Variants in KLHL1 observed in about 807,000 individuals in gnomAD.
KLHL1 encodes kelch-like protein 1.
In KLHL1, 47 loss-of-function variants were observed where a neutral mutation model predicts 77.7. The ratio of observed to expected loss-of-function variants is 0.60; its 90% CI spans 0.48 to 0.77. The LOEUF (loss-of-function observed/expected upper bound fraction) is 0.77, where lower values mean the gene tolerates loss of function less well. KLHL1 is among the 30% of genes least tolerant of loss of function. The pLI is 0.00. For missense variants in KLHL1, 925 were observed against 910.8 expected, an observed-to-expected ratio of 1.02 and a Z score of -0.20; for synonymous variants, 360 against 325.2, an observed-to-expected ratio of 1.11 and a Z score of -1.15.
intron 1 of KLHL1, among the ~76,000 whole-genome samples, chr13:70,010,425 G>A (rs780140133): frequency 1.3e-5 from 2 of 152,134 alleles, no homozygotes; most frequent in African/African-American, 2.4e-5. Flanking sequence ...AGAGAGTGTG[G>A]TTGTTCTAAA....
intron 6 of KLHL1, among the ~76,000 whole-genome samples, chr13:69,820,214 T>C (rs1477854277): frequency 6.6e-6 from 1 of 152,192 alleles, no homozygotes; most frequent in Non-Finnish European, 1.5e-5. Context: ...CACTTTGTTC[T>C]GATATACGTG....
intron 9 of KLHL1, among the ~76,000 whole-genome samples, chr13:69,710,199 T>C (rs956401449): frequency 2.6e-5 from 4 of 151,804 alleles, no homozygotes; most frequent in African/African-American, 4.8e-5. Flanking sequence ...AACTCAAATG[T>C]TGCAGGGGAA....
chr13:69,773,039 C>G (rs9564607), intron 7 of KLHL1, among the ~76,000 whole-genome samples: 1 of 151,340 alleles, frequency 6.6e-6, no homozygotes, highest in Non-Finnish European at 1.5e-5. Flanking sequence ...GACCATTACA[C>G]AGGCAGAAAA....
intron 4 of KLHL1, among the ~76,000 whole-genome samples, chr13:69,915,495 C>G (rs372886601): frequency 1.1e-3 from 164 of 152,102 alleles, no homozygotes; most frequent in African/African-American, 3.6e-3. Flanking sequence ...AATGGGGAAA[C>G]GATTCCCTAT....
At chr13:69,979,720 A>G (rs1391774808) in intron 1 of KLHL1, among the ~76,000 whole-genome samples, 1 of 152,212 alleles carries the variant, frequency 6.6e-6, no homozygotes, top group Non-Finnish European at 1.5e-5. Flanking sequence ...AACAATACAA[A>G]GCTTGAAGTT....
At chr13:69,847,863 G>A (rs1261770607) in intron 5 of KLHL1, among the ~76,000 whole-genome samples, 1 of 151,438 alleles carries the variant, frequency 6.6e-6, no homozygotes, top group Non-Finnish European at 1.5e-5. Context: ...CAAAATGAAA[G>A]CCATGAATAA....
At chr13:69,982,869 C>A (rs546240537) in intron 1 of KLHL1, among the ~76,000 whole-genome samples, 1 of 152,054 alleles carries the variant, frequency 6.6e-6, no homozygotes, top group Admixed American at 6.6e-5. Context: ...CTAGCCAGAG[C>A]ATTAGGCAAG....
intron 4 of KLHL1, among the ~76,000 whole-genome samples, chr13:69,914,555 A>C (rs1255686504): frequency 6.6e-6 from 1 of 152,188 alleles, no homozygotes; most frequent in Admixed American, 6.5e-5. Context: ...AAGCCAGGTG[A>C]TCATTATTTA....
chr13:69,930,036 A>C (rs541938454), intron 4 of KLHL1, among the ~76,000 whole-genome samples: 1 of 151,978 alleles, frequency 6.6e-6, no homozygotes, highest in Non-Finnish European at 1.5e-5. Flanking sequence ...CAGAAAAATT[A>C]TTTATTTTAG....
At chr13:70,056,715 G>A (rs1175750307) in intron 1 of KLHL1, among the ~76,000 whole-genome samples, 1 of 152,080 alleles carries the variant, frequency 6.6e-6, no homozygotes, top group African/African-American at 2.4e-5. Flanking sequence ...ATATGCTCCT[G>A]AATGACCAAT....
intron 2 of KLHL1, among the ~76,000 whole-genome samples, chr13:69,973,556 G>T (rs1884458564): frequency 6.6e-6 from 1 of 151,498 alleles, no homozygotes. Context: ...ATATTTAGTT[G>T]TACTAACCAA....
intron 3 of KLHL1, among the ~76,000 whole-genome samples, chr13:69,943,093 T>C (rs1246330508): frequency 6.6e-6 from 1 of 152,026 alleles, no homozygotes; most frequent in African/African-American, 2.4e-5. Flanking sequence ...GAAGTTTTTT[T>C]CTTTTTTCTT....
At chr13:69,803,369 A>T (rs2138050074) in intron 6 of KLHL1, among the ~76,000 whole-genome samples, 1 of 152,296 alleles carries the variant, frequency 6.6e-6, no homozygotes, top group African/African-American at 2.4e-5. Context: ...TGGTACATCC[A>T]CAATATTAAC....
At chr13:70,079,780 G>A (rs1222184858) in intron 1 of KLHL1, among the ~76,000 whole-genome samples, 2 of 152,134 alleles carry the variant, frequency 1.3e-5, no homozygotes, top group African/African-American at 4.8e-5. Context: ...CATTAGTGAT[G>A]TTAATATGTT....
In KLHL1 at chr13:69,701,658, A is replaced by G; in HGVS notation, c.*44T>C. ...ATTCTTGCCATTCAATATAAAAATA[A>G]CCACTCCAGCAAGTAAAATCTTTCC... On this transcript the variant is annotated 3_prime_UTR_variant, in exon 11 of 11. Transcript: ENST00000377844. The G allele has an allele frequency of 7.2e-7, 1 of 1,383,928 alleles. No homozygotes were observed. The highest frequency in any genetic ancestry group is 1.4e-5 in the African/African-American group (1 of 69,374). 85.7% of individuals were successfully genotyped at this position (1,383,928 alleles called of 1,614,324 possible).
chr13:70,025,977 C>A (rs1051980056), intron 1 of KLHL1, among the ~76,000 whole-genome samples: 2 of 152,186 alleles, frequency 1.3e-5, no homozygotes, highest in African/African-American at 4.8e-5. Flanking sequence ...GGAAAGGCAG[C>A]AAAAGCCTTG....
intron 4 of KLHL1, among the ~76,000 whole-genome samples, chr13:69,938,502 A>G (rs1258515765): frequency 6.6e-6 from 1 of 152,096 alleles, no homozygotes; most frequent in African/African-American, 2.4e-5. Context: ...TGCAAGGAAA[A>G]TATTTTCATT....
chr13:69,750,373 ACACTT>A (rs1392814025), intron 7 of KLHL1, among the ~76,000 whole-genome samples: 1 of 151,816 alleles, frequency 6.6e-6, no homozygotes, highest in Non-Finnish European at 1.5e-5. Flanking sequence ...ATAGAATTGA[ACACTT>A]CAGTGTTTTT....
chr13:69,726,148 A>G (rs1593776495), intron 8 of KLHL1, among the ~76,000 whole-genome samples: 1 of 152,284 alleles, frequency 6.6e-6, no homozygotes, highest in East Asian at 1.9e-4. Context: ...CTCCCATACC[A>G]TTATGTAAAT....
Sources: allele counts gnomAD v4.1 joint callset (sites outside exome capture counted in the v4.1 genomes callset), GRCh38; gene constraint gnomAD v4.1.1; transcripts MANE v1.5; gene names NCBI Gene and HGNC (gene_info 2026-07-23, HGNC 2026-07-21).